IFT74: variants seen among roughly 807,000 people sequenced by gnomAD.
IFT74 encodes intraflagellar transport protein 74 homolog.
IFT74 carries 92 observed loss-of-function variants against 96.7 expected under a neutral mutation model. That is an observed-to-expected ratio of 0.95 (90% confidence interval 0.80 to 1.13). The LOEUF is 1.13. Among genes scored for constraint, IFT74 ranks in the 50% most tolerant of loss-of-function variants. IFT74 has a pLI of 0.00. For synonymous variants in IFT74, 223 were observed against 213.2 expected, an observed-to-expected ratio of 1.05 and a Z score of -0.40; for missense variants, 811 against 698.2, an observed-to-expected ratio of 1.16 and a Z score of -1.82.
chr9:26,985,549 A>G (rs768889789), intron 6 of IFT74, among the ~76,000 whole-genome samples: 11 of 152,174 alleles, frequency 7.2e-5, no homozygotes, highest in Non-Finnish European at 1.6e-4. Flanking sequence ...CTTATTGGGA[A>G]AGATGAAACC....
At chr9:26,969,929 T>C (rs577532649) in intron 2 of IFT74, among the ~76,000 whole-genome samples, 2 of 152,262 alleles carry the variant, frequency 1.3e-5, no homozygotes, top group Admixed American at 1.3e-4. Flanking sequence ...CCTGTCAGGG[T>C]ATAAAATTCG....
intron 8 of IFT74, chr9:26,998,043 CA>C: frequency 1.2e-6 from 2 of 1,613,490 alleles, no homozygotes; most frequent in East Asian, 4.5e-5. Flanking sequence ...GAGAGGTTAC[CA>C]AAACCGTTAT....
chr9:27,012,718 T>TTTTTG (rs1322876167), intron 10 of IFT74, among the ~76,000 whole-genome samples: 1 of 137,204 alleles, frequency 7.3e-6, no homozygotes, highest in South Asian at 2.4e-4. Context: ...GTTTTTTTTT[T>TTTTTG]TTTTTTTTTT....
At chr9:26,974,999 G>T (rs948543290) in intron 2 of IFT74, among the ~76,000 whole-genome samples, 1 of 152,164 alleles carries the variant, frequency 6.6e-6, no homozygotes, top group Admixed American at 6.5e-5. Context: ...TCTATCTCAC[G>T]TTGAAGTCCT....
chr9:26,995,079 G>A (rs1828071407), intron 8 of IFT74: 1 of 152,630 alleles, frequency 6.6e-6, no homozygotes, highest in South Asian at 2.1e-4. Context: ...CAATCTTAGT[G>A]TATTATTTAA....
chr9:27,001,287 A>C (rs1399896666), intron 8 of IFT74, among the ~76,000 whole-genome samples: 1 of 151,970 alleles, frequency 6.6e-6, no homozygotes, highest in East Asian at 1.9e-4. Context: ...CTATCTCTTT[A>C]ATATATTCAT....
At chr9:26,963,661 T>G (rs1353418662) in intron 2 of IFT74, among the ~76,000 whole-genome samples, 4 of 151,850 alleles carry the variant, frequency 2.6e-5, no homozygotes, top group South Asian at 2.1e-4. Flanking sequence ...CTAACTGGTG[T>G]GAGATGGTGT....
intron 9 of IFT74, 133 bp downstream of exon 9, chr9:27,009,291 C>A: frequency 1.4e-6 from 1 of 691,482 alleles, no homozygotes; most frequent in Non-Finnish European, 2.4e-6. Flanking sequence ...TTAACAAGGT[C>A]CCCATCTGAT....
rs73436034 is a variant in IFT74 at position 26,988,618 on chromosome 9, T to A, written c.466-51T>A. On this transcript the variant is annotated intron_variant, in intron 6 of 19. Coordinates refer to ENST00000380062, the MANE Select transcript of IFT74 (RefSeq NM_025103.4). ...CCTATATTATTAATTATAGAGAACA[T>A]GTGTAAAGACTAACAAAATGGTGTT... 5,192 of 1,458,298 alleles carry A rather than the reference T, an allele frequency of 3.6e-3. 148 individuals are homozygous for A. The African/African-American group carries it at 0.064, about 18-fold the overall frequency. 90.3% of individuals were successfully genotyped at this position (1,458,298 alleles called of 1,614,324 possible). A position where few individuals can be genotyped will look rare whatever the true frequency, so the allele number is the denominator to read the frequency against.
At chr9:27,002,971 G>C (rs960681089) in intron 8 of IFT74, among the ~76,000 whole-genome samples, 3 of 151,790 alleles carry the variant, frequency 2.0e-5, no homozygotes, top group Non-Finnish European at 4.4e-5. Flanking sequence ...TTTCATCAGT[G>C]TTTTACAGTT....
intron 12 of IFT74, among the ~76,000 whole-genome samples, chr9:27,025,653 C>CCT (rs1388827546): frequency 3.3e-5 from 5 of 152,098 alleles, no homozygotes. Context: ...TTAGCAGAAA[C>CCT]CCTACAAGCT....
rs143038602 is a variant in IFT74, at chr9:27,051,524, A to G, written c.1333+3250A>G. On this transcript the variant is annotated intron_variant, in intron 16 of 19. Coordinates refer to ENST00000380062, the MANE Select transcript of IFT74 (RefSeq NM_025103.4). ...GCACATTGTTGTGCCACGAATCTCT[A>G]GAACTTTTTCATCTTGCAGAACAAA... is the stretch of plus-strand genomic sequence containing the variant. Among the ~76,000 whole-genome samples the G allele has an allele frequency of 5.1e-3, 770 of 152,318 alleles. 5 individuals carry two copies. The highest frequency in any genetic ancestry group is 0.017 in the African/African-American group (727 of 41,554).
intron 12 of IFT74, among the ~76,000 whole-genome samples, chr9:27,020,504 T>G (rs1026432071): frequency 6.7e-6 from 1 of 149,526 alleles, no homozygotes; most frequent in Non-Finnish European, 1.5e-5. Flanking sequence ...AGACAGAGTC[T>G]CCCTCTGTTG....
intron 12 of IFT74, among the ~76,000 whole-genome samples, chr9:27,027,316 TAAAA>T (rs569887440): frequency 2.1e-5 from 3 of 146,236 alleles, no homozygotes; most frequent in African/African-American, 7.5e-5. Context: ...TTGAAATGGT[TAAAA>T]AAAAAAAATT....
Position 27,009,054 on chromosome 9 carries a change from A to G in IFT74, c.622A>G (p.Ile208Val), listed in dbSNP as rs1336528057. 1 of 1,613,432 alleles carries G rather than the reference A, an allele frequency of 6.2e-7. No homozygotes were observed. Among genetic ancestry groups the G allele is most frequent in the Non-Finnish European group, 8.5e-7 (1 of 1,179,564 alleles). The change falls in exon 9 of 20, where the codon ATT becomes GTT. Residue 208 changes from isoleucine (I) to valine (V), a missense_variant. By Grantham distance (29) the Ile-to-Val change is conservative (BLOSUM62 3). Coordinates refer to ENST00000380062, the MANE Select transcript of IFT74 (RefSeq NM_025103.4). ...EKQIRSVEEE[I>V]EQEKQATDDI... Reference sequence around the variant, plus strand: ...ACAAATCAGAAGTGTCGAAGAAGAAATTGAACAGGAAAAACAAGCAACAGA... The same window carrying G: ...ACAAATCAGAAGTGTCGAAGAAGAAGTTGAACAGGAAAAACAAGCAACAGA...
chr9:27,004,795 T>C (rs778885212), intron 8 of IFT74, among the ~76,000 whole-genome samples: 3 of 152,190 alleles, frequency 2.0e-5, no homozygotes, highest in Non-Finnish European at 4.4e-5. Flanking sequence ...AATATCAGTT[T>C]CTTTTGTTAT....
chr9:27,059,251 A>G (rs928991807), intron 18 of IFT74, among the ~76,000 whole-genome samples: 2 of 152,190 alleles, frequency 1.3e-5, no homozygotes, highest in Non-Finnish European at 1.5e-5. Context: ...TGGTCTTCCT[A>G]TCTTTCACAA....
At chr9:26,989,212 AG>A (rs1012857479) in intron 7 of IFT74, among the ~76,000 whole-genome samples, 25 of 152,148 alleles carry the variant, frequency 1.6e-4, no homozygotes, top group Non-Finnish European at 8.8e-5. Context: ...GACTCCAAAA[AG>A]GGGGATGGTA....
intron 19 of IFT74, among the ~76,000 whole-genome samples, chr9:27,061,677 G>GTGTATATATATA (rs1554680560): frequency 4.9e-5 from 7 of 143,104 alleles, no homozygotes; most frequent in African/African-American, 1.5e-4. Flanking sequence ...ATATCCACAA[G>GTGTATATATATA]TATATATATA....
Sources: allele counts gnomAD v4.1 joint callset (sites outside exome capture counted in the v4.1 genomes callset), GRCh38; gene constraint gnomAD v4.1.1; transcripts MANE v1.5; gene names NCBI Gene and HGNC (gene_info 2026-07-23, HGNC 2026-07-21).